PCNX2: variants seen among roughly 807,000 people sequenced by gnomAD.
PCNX2 encodes pecanex 2, also known as pecanex-like protein 2.
PCNX2 carries 168 observed loss-of-function variants against 223.8 expected under a neutral mutation model. The observed-to-expected ratio is 0.75, with a 90% CI of 0.66 to 0.85. The LOEUF (loss-of-function observed/expected upper bound fraction) is 0.85. Among genes scored for constraint, PCNX2 ranks in the 40% least tolerant of loss-of-function variants. The pLI, the probability that PCNX2 is intolerant of heterozygous loss-of-function variation, is 0.00. For synonymous variants in PCNX2, 1,006 were observed against 1,052.6 expected (o/e 0.96, Z 0.86); for missense variants, 2,507 against 2,675.5 (o/e 0.94, Z 1.39).
At chr1:233,256,268 T>C (rs892341990) in intron 5 of PCNX2, among the ~76,000 whole-genome samples, 13 of 152,164 alleles carry the variant, frequency 8.5e-5, no homozygotes, top group African/African-American at 3.1e-4. Flanking sequence ...AAGACTAAAA[T>C]TGATCAAATA....
At chr1:233,068,669 T>C (rs34942137) in intron 23 of PCNX2, among the ~76,000 whole-genome samples, 35 of 152,216 alleles carry the variant, frequency 2.3e-4, no homozygotes, top group Non-Finnish European at 4.4e-4. Flanking sequence ...ATTATTTATA[T>C]ATAATGCTAA....
At chr1:233,125,429 C>G (rs184284184) in intron 21 of PCNX2, among the ~76,000 whole-genome samples, 215 of 152,290 alleles carry the variant, frequency 1.4e-3, no homozygotes, top group South Asian at 3.9e-3. Context: ...CAAGTCCAAT[C>G]CCGGCGGTCT....
Position 233,262,074 on chromosome 1 carries a change from T to C in PCNX2, c.451A>G (p.Ile151Val), listed in dbSNP as rs1342617050. Reference protein sequence around the residue: ...PLRCSSRGQSITSHHSSGPLE... With the variant: ...PLRCSSRGQSVTSHHSSGPLE... ...GGCCCAGAAGAGTGATGAGAGGTTA[T>C]GCTTTGCCCTCTGGAGCTGCAGCGG... The change falls in exon 3 of 34, where the codon ATA (isoleucine) becomes GTA (valine). Residue 151 changes from isoleucine to valine, a missense_variant. Transcript: ENST00000258229. The C allele has an allele frequency of 1.2e-6, 2 of 1,613,912 alleles. No homozygotes were observed. The highest frequency in any genetic ancestry group is 2.2e-5 in the South Asian group (2 of 91,086).
At chr1:233,065,510 G>A (rs1337450346) in intron 23 of PCNX2, 22 of 152,094 alleles carry the variant, frequency 1.4e-4, no homozygotes, top group Non-Finnish European at 2.9e-5. Context: ...CCTCTACTTG[G>A]TACAACGAAA....
chr1:233,191,931 C>T (rs1214921606), intron 15 of PCNX2, among the ~76,000 whole-genome samples: 1 of 152,196 alleles, frequency 6.6e-6, no homozygotes, highest in African/African-American at 2.4e-5. Flanking sequence ...CTGTCCCAGG[C>T]ATTTCTTCAT....
At chr1:233,196,500 G>C (rs1680743908) in intron 15 of PCNX2, among the ~76,000 whole-genome samples, 1 of 151,804 alleles carries the variant, frequency 6.6e-6, no homozygotes, top group South Asian at 2.1e-4. Context: ...ATTATGTAAA[G>C]AACTCTTATG....
At position 233,040,563 on chromosome 1, in the gene PCNX2, T is replaced by C. The variant is rs60148733; in HGVS notation, c.4351+13705A>G. Among the ~76,000 whole-genome samples, 537 of 152,310 alleles carry C rather than the reference T, an allele frequency of 3.5e-3. 3 individuals are homozygous for C. The highest frequency in any genetic ancestry group is 9.9e-3 in the African/African-American group (411 of 41,570). ...CTGGAAAACAGCCTCGTGTTTCTCA[T>C]TGATGCTCTCAGACCATTCTCTCAC... On this transcript the variant is annotated intron_variant, in intron 25 of 33. Coordinates refer to ENST00000258229, the MANE Select transcript of PCNX2 (RefSeq NM_014801.4).
chr1:233,167,523 A>G (rs968868829), intron 17 of PCNX2, among the ~76,000 whole-genome samples: 1 of 152,192 alleles, frequency 6.6e-6, no homozygotes, highest in African/African-American at 2.4e-5. Flanking sequence ...ACTGTACTAT[A>G]TTTGGGATTC....
chr1:233,060,970 GTCTC>G (rs899211780), intron 23 of PCNX2, among the ~76,000 whole-genome samples: 8 of 152,158 alleles, frequency 5.3e-5, no homozygotes, highest in South Asian at 2.1e-4. Context: ...CCCATGGCCA[GTCTC>G]TCTAAGTCAA....
intron 19 of PCNX2, among the ~76,000 whole-genome samples, chr1:233,147,513 G>A (rs1037678216): frequency 2.6e-5 from 4 of 151,888 alleles, no homozygotes; most frequent in Non-Finnish European, 5.9e-5. Context: ...AGGGGTGGAA[G>A]AGGTGAAAAG....
At chr1:233,086,619 G>A (rs1161502800) in intron 23 of PCNX2, among the ~76,000 whole-genome samples, 1 of 151,956 alleles carries the variant, frequency 6.6e-6, no homozygotes, top group African/African-American at 2.4e-5. Context: ...TGCAGTGAGT[G>A]GAGATCGTGC....
intron 1 of PCNX2, among the ~76,000 whole-genome samples, chr1:233,279,689 A>G (rs1661090504): frequency 6.6e-6 from 1 of 152,118 alleles, no homozygotes; most frequent in African/African-American, 2.4e-5. Flanking sequence ...ATATTATAAC[A>G]TGATTTATTA....
At chr1:233,264,210 G>A (rs1421193409) in intron 1 of PCNX2, among the ~76,000 whole-genome samples, 2 of 152,152 alleles carry the variant, frequency 1.3e-5, no homozygotes, top group African/African-American at 4.8e-5. Context: ...ACTATCACAC[G>A]TTCTCTGGTC....
chr1:233,201,364 A>G (rs1681105533), intron 13 of PCNX2: 1 of 152,248 alleles, frequency 6.6e-6, no homozygotes, highest in South Asian at 2.1e-4. Flanking sequence ...ACCAAAGCAG[A>G]CAAAAAGGCA....
intron 21 of PCNX2, among the ~76,000 whole-genome samples, chr1:233,130,437 G>C (rs937957526): frequency 6.7e-6 from 1 of 150,126 alleles, no homozygotes; most frequent in African/African-American, 2.5e-5. Context: ...TTCCAGCCTT[G>C]GAACTCAATA....
chr1:233,202,975 G>A (rs755085348), intron 13 of PCNX2, among the ~76,000 whole-genome samples: 3 of 152,118 alleles, frequency 2.0e-5, no homozygotes, highest in Non-Finnish European at 4.4e-5. Flanking sequence ...AACCCAAACC[G>A]TTTTACTGGC....
intron 22 of PCNX2, among the ~76,000 whole-genome samples, chr1:233,093,082 A>G (rs986121141): frequency 1.3e-5 from 2 of 152,240 alleles, no homozygotes; most frequent in Non-Finnish European, 2.9e-5. Context: ...TACAGGCGTG[A>G]GCCACTGTGC....
chr1:233,176,326 G>A (rs1292139120), intron 17 of PCNX2, among the ~76,000 whole-genome samples: 2 of 152,182 alleles, frequency 1.3e-5, no homozygotes, highest in Admixed American at 6.5e-5. Flanking sequence ...TATAGTTGTA[G>A]GATTCTCTTG....
At chr1:232,992,375 A>G (rs1428169520) in intron 32 of PCNX2, among the ~76,000 whole-genome samples, 1 of 152,234 alleles carries the variant, frequency 6.6e-6, no homozygotes, top group East Asian at 1.9e-4. Flanking sequence ...GCCAGAAGGA[A>G]GATCACTTAT....
Sources: gnomAD v4.1 joint callset for allele counts (sites outside exome capture counted in the v4.1 genomes callset) on GRCh38, gnomAD v4.1.1 for gene constraint, MANE v1.5 for transcripts, NCBI Gene and HGNC (gene_info 2026-07-23, HGNC 2026-07-21) for gene names.